The following DCAF10 variants were observed in gnomAD, a reference collection of about 807,000 sequenced individuals.
DCAF10 encodes DDB1 and CUL4 associated factor 10.
In DCAF10, 19 loss-of-function variants were observed where a neutral mutation model predicts 51.9. The observed-to-expected ratio is 0.37, with a 90% confidence interval of 0.26 to 0.54. The LOEUF is 0.54. Among genes scored for constraint, DCAF10 ranks in the 20% least tolerant of loss-of-function variants. The probability of loss-of-function intolerance (pLI) is 0.87; values close to 1 mark genes in which losing one functional copy is unlikely to be tolerated. For synonymous variants in DCAF10, 291 were observed against 297.1 expected (o/e 0.98, Z 0.21); for missense variants, 510 against 730.6 (o/e 0.70, Z 3.48).
intron 2 of DCAF10, among the ~76,000 whole-genome samples, chr9:37,834,857 C>T (rs1830108827): frequency 1.3e-5 from 2 of 149,582 alleles, no homozygotes; most frequent in African/African-American, 5.0e-5. Context: ...GGTGCTATCT[C>T]GACTCACTGC....
At position 37,860,148 on chromosome 9, in the gene DCAF10, C is replaced by G; in HGVS notation, c.1266C>G (p.Gly422=). The G allele has an allele frequency of 6.2e-7, 1 of 1,614,120 alleles. No homozygotes were observed. The highest frequency in any genetic ancestry group is 8.5e-7 in the Non-Finnish European group (1 of 1,180,008). The stretch of plus-strand genomic sequence containing the variant: ...CGTCCTTACAGCTGCACCCAAAAGG[C>G]TGGGCCACTCTTCTTCGGTGCTCAA... ...CITSLQLHPK[G]WATLLRCSSN... is the part of the protein sequence containing the mutation. Residue 422 remains glycine (G), a synonymous_variant, in exon 6 of 7, where the codon GGC becomes GGG. Transcript: ENST00000377724.
intron 1 of DCAF10, among the ~76,000 whole-genome samples, chr9:37,809,962 C>G (rs1430761170): frequency 6.6e-6 from 1 of 152,074 alleles, no homozygotes; most frequent in African/African-American, 2.4e-5. Context: ...ACCAGCCTGG[C>G]TAACATGGTG....
chr9:37,800,992 T>A lies in DCAF10; in HGVS notation c.126T>A (p.Ala42=). Reference sequence around the variant, plus strand: ...CGCCCTCGCCACTACATCCCGGGGCTGATGCGACCCATCCCCCTCCACCCG... The same window carrying A: ...CGCCCTCGCCACTACATCCCGGGGCAGATGCGACCCATCCCCCTCCACCCG... The part of the protein sequence containing the change: ...TGPPSPLHPG[A]DATHPPPPAR... Residue 42 remains alanine, a synonymous_variant, in exon 1 of 7, where the codon GCT becomes GCA. Transcript: ENST00000377724. 6.5e-7 allele frequency: 1 copy of A among 1,532,500 alleles called. No individual in the cohort carries two copies. Among genetic ancestry groups the A allele is most frequent in the Admixed American group, 1.9e-5 (1 of 52,722 alleles). The allele number at this position is 1,532,500 out of a possible 1,614,324, so 94.9% of individuals were successfully genotyped here. A position where few individuals can be genotyped will look rare whatever the true frequency, so the allele number is the denominator to read the frequency against.
At chr9:37,850,739 T>C (rs1034528381) in intron 3 of DCAF10, among the ~76,000 whole-genome samples, 2 of 149,774 alleles carry the variant, frequency 1.3e-5, no homozygotes, top group Non-Finnish European at 3.0e-5. Flanking sequence ...AATGACAATT[T>C]ACTGTTGTTA....
intron 2 of DCAF10, among the ~76,000 whole-genome samples, chr9:37,825,929 G>C (rs1829838268): frequency 6.6e-6 from 1 of 152,130 alleles, no homozygotes; most frequent in African/African-American, 2.4e-5. Context: ...CAGCTACCCA[G>C]GAGGCTGAGG....
rs548899673 is a variant in DCAF10 at position 37,830,710 on chromosome 9, A to T, written c.653+11309A>T. Among the ~76,000 whole-genome samples the T allele has an allele frequency of 1.5e-4, 23 of 152,316 alleles. No homozygotes were observed. In the East Asian group the frequency reaches 3.7e-3, roughly 24 times the overall value. ...GTTGCTAATATGTTATAATTTAAAA[A>T]TTTCTTAGAAAGATAAGACTTGTGC... On this transcript the variant is annotated intron_variant, in intron 2 of 6. Transcript: ENST00000377724.
At chr9:37,831,662 G>A (rs570020152) in intron 2 of DCAF10, among the ~76,000 whole-genome samples, 9 of 152,256 alleles carry the variant, frequency 5.9e-5, no homozygotes, top group South Asian at 2.1e-4. Flanking sequence ...TGGTAGTTAC[G>A]GACAATATTT....
chr9:37,853,413 C>CAAAAAAAA (rs34861994), intron 3 of DCAF10, among the ~76,000 whole-genome samples: 1 of 111,818 alleles, frequency 8.9e-6, no homozygotes. Context: ...AACTCCATCT[C>CAAAAAAAA]AAAAAAAAAA....
chr9:37,825,384 A>G (rs1306912510), intron 2 of DCAF10, among the ~76,000 whole-genome samples: 4 of 152,250 alleles, frequency 2.6e-5, no homozygotes, highest in African/African-American at 7.2e-5. Flanking sequence ...ATGGAATACT[A>G]TGCAGCCATA....
intron 2 of DCAF10, among the ~76,000 whole-genome samples, chr9:37,828,126 G>A (rs1322816626): frequency 5.3e-5 from 8 of 152,080 alleles, no homozygotes; most frequent in South Asian, 2.1e-4. Flanking sequence ...GACCTCAAGC[G>A]ATCCTCCCAC....
At chr9:37,819,649 G>C (rs1261802558) in intron 2 of DCAF10, among the ~76,000 whole-genome samples, 1 of 152,072 alleles carries the variant, frequency 6.6e-6, no homozygotes. Context: ...TCATATATTA[G>C]GGTCATCATT....
intron 1 of DCAF10, among the ~76,000 whole-genome samples, chr9:37,818,289 C>A (rs1004744929): frequency 6.6e-6 from 1 of 152,126 alleles, no homozygotes; most frequent in Non-Finnish European, 1.5e-5. Flanking sequence ...CCACCGCACC[C>A]GGCCAAGATT....
chr9:37,801,295 C>G lies in DCAF10; in HGVS notation c.429C>G (p.Asp143Glu). 1 of 1,597,534 alleles carries G rather than the reference C, an allele frequency of 6.3e-7. No individual in the cohort carries two copies. The highest frequency in any genetic ancestry group is 8.5e-7 in the Non-Finnish European group (1 of 1,174,602). The change falls in exon 1 of 7, where the codon GAC (aspartate) becomes GAG (glutamate). Residue 143 changes from aspartate (D) to glutamate (E), a missense_variant. By Grantham distance (45) the Asp-to-Glu change is conservative. This residue lies in a region of DCAF10 where 251 missense variants were observed against 227.9 expected (regional missense o/e 1.10). Coordinates refer to ENST00000377724, the MANE Select transcript of DCAF10 (RefSeq NM_024345.5). This position sits in a 1 kb window ranked among gnomAD's most constrained non-coding sequence, Gnocchi z 5.5. ...GGCTGTTCGTGGACCCGGCGCGGGA[C>G]AATTTTCGCACCATGACTAGCCTCT... ...GRGLFVDPAR[D>E]NFRTMTSLYG...
chr9:37,849,801 A>G (rs938378778), intron 3 of DCAF10, among the ~76,000 whole-genome samples: 1 of 151,968 alleles, frequency 6.6e-6, no homozygotes, highest in Non-Finnish European at 1.5e-5. Context: ...AATCGCTTGA[A>G]CCTGGGAGGC....
chr9:37,861,633 C>G lies in DCAF10; in HGVS notation c.*125C>G, dbSNP rs1831020270. 5 of 1,354,018 alleles carry G rather than the reference C, an allele frequency of 3.7e-6. No homozygotes were observed. The highest frequency in any genetic ancestry group is 3.0e-6 in the Non-Finnish European group (3 of 1,007,836). The allele number at this position is 1,354,018 out of a possible 1,614,324, so 83.9% of individuals were successfully genotyped here. A position where few individuals can be genotyped will look rare whatever the true frequency, so the allele number is the denominator to read the frequency against. On this transcript the variant is annotated 3_prime_UTR_variant, in exon 7 of 7. Coordinates refer to ENST00000377724, the MANE Select transcript of DCAF10 (RefSeq NM_024345.5). The surrounding 1 kb of genome is among the most constrained non-coding windows in gnomAD (Gnocchi z 4.9). ...GGTCAAGATCCTGGTTCTTATGGGT[C>G]CATGAACACACTTGTGACCTTAGTA...
intron 3 of DCAF10, among the ~76,000 whole-genome samples, chr9:37,845,618 C>T (rs1397203772): frequency 1.3e-5 from 2 of 152,148 alleles, no homozygotes; most frequent in East Asian, 1.9e-4. Flanking sequence ...CATACCAATT[C>T]GTAAATAGGC....
rs1184748403 is a variant in DCAF10, at chr9:37,867,337, TTTC to T, written c.*5832_*5834del. On this transcript the variant is annotated 3_prime_UTR_variant, in exon 7 of 7. Coordinates refer to ENST00000377724, the MANE Select transcript of DCAF10 (RefSeq NM_024345.5). ...TCTTTAAAATAGGTAGATTTTCAGCTTTCTTAAGTTTCTCCCTCATTTAGATTT... is the reference window on the plus strand; with the variant it reads ...TCTTTAAAATAGGTAGATTTTCAGCTTTAAGTTTCTCCCTCATTTAGATTT... 1 of 152,174 alleles carries T rather than the reference TTTC, an allele frequency of 6.6e-6. No homozygotes were observed. 9.4% of individuals were successfully genotyped at this position (152,174 alleles called of 1,614,324 possible).
intron 2 of DCAF10, among the ~76,000 whole-genome samples, chr9:37,837,271 T>C (rs1303211771): frequency 2.0e-5 from 3 of 151,670 alleles, no homozygotes; most frequent in Non-Finnish European, 4.4e-5. Flanking sequence ...CCATCCTGGC[T>C]AACACGGTGA....
intron 1 of DCAF10, among the ~76,000 whole-genome samples, chr9:37,810,440 G>C (rs1363426963): frequency 6.6e-6 from 1 of 151,402 alleles, no homozygotes; most frequent in Non-Finnish European, 1.5e-5. Flanking sequence ...GAGGCTGAAT[G>C]GTATTTCTTT....
Sources: allele counts gnomAD v4.1 joint callset (sites outside exome capture counted in the v4.1 genomes callset), GRCh38; gene constraint gnomAD v4.1.1; regional missense constraint gnomAD v4.1.1; non-coding constraint Gnocchi (gnomAD v3.1); transcripts MANE v1.5; gene names NCBI Gene and HGNC (gene_info 2026-07-23, HGNC 2026-07-21).